The following VBP1 variants were observed in gnomAD, a reference collection of about 807,000 sequenced individuals.
VBP1 encodes prefoldin subunit 3.
VBP1 carries 4 observed loss-of-function variants against 15.5 expected under a neutral mutation model. The observed-to-expected ratio is 0.26, with a 90% CI of 0.13 to 0.59. VBP1 has a LOEUF of 0.59. Ranked by LOEUF, VBP1 falls within the 20% of genes least tolerant of loss-of-function variation. VBP1 has a pLI of 0.90. For missense variants in VBP1, 108 were observed against 139.6 expected, an observed-to-expected ratio of 0.77 and a Z score of 1.14; for synonymous variants, 61 against 52.1, an observed-to-expected ratio of 1.17 and a Z score of -0.74.
At chrX:155,213,689 T>A (rs2074652286), upstream of VBP1, 1 of 112,415 alleles carries the variant, frequency 8.9e-6, no homozygotes, top group African/African-American at 3.2e-5. Context: ...TGTACCAGCT[T>A]GTGAGAACCA....
Position 155,228,379 on chromosome X carries a change from TGAA to T in VBP1, c.286-3_286-1del. On this transcript the variant is annotated splice_acceptor_variant and splice_polypyrimidine_tract_variant and intron_variant, in intron 3 of 5. Transcript: ENST00000286428. LOFTEE classifies it high-confidence loss of function. The stretch of plus-strand genomic sequence containing the variant: ...GGTACTGTCATTTTTTTTTTTGTTT[TGAA>T]GGAGTCCACCAACTCAATGGAGACC... 8.3e-7 allele frequency: 1 copy of T among 1,201,310 alleles called. No homozygotes were observed. The highest frequency in any genetic ancestry group is 2.3e-5 in the Admixed American group (1 of 44,442).
chrX:155,199,654 A>T (rs2074593861), intron 1 of VBP1, among the ~76,000 whole-genome samples: 1 of 112,313 alleles, frequency 8.9e-6, no homozygotes, highest in East Asian at 2.8e-4. Context: ...CTGCAAAAAC[A>T]TGCCAAATTG....
chrX:155,199,407 C>T (rs2074592540), intron 1 of VBP1, among the ~76,000 whole-genome samples: 1 of 111,669 alleles, frequency 9.0e-6, no homozygotes. Context: ...AACAGCGGAT[C>T]TCTCGGCAGA....
rs1557309052 is a variant in VBP1 at position 155,216,616 on chromosome X, T to C, written c.93+41T>C. 6.9e-6 allele frequency: 8 copies of C among 1,164,587 alleles called. No homozygotes were observed. The Admixed American group carries it at 1.8e-4, about 26-fold the overall frequency. ...TTCCCTGGCATCTTGGCTTGAGGCC[T>C]TGGACTGCCCCTTTCTTCCCGGCTC... is the stretch of plus-strand genomic sequence containing the variant. On this transcript the variant is annotated intron_variant, in intron 1 of 5. Coordinates refer to ENST00000286428, the MANE Select transcript of VBP1 (RefSeq NM_003372.7).
intron 2 of VBP1, among the ~76,000 whole-genome samples, chrX:155,222,572 GT>G (rs2074694572): frequency 9.0e-6 from 1 of 111,619 alleles, no homozygotes; most frequent in Non-Finnish European, 1.9e-5. Flanking sequence ...CTTCTAACTA[GT>G]AAATTAATGA....
chrX:155,207,546 C>G (rs1345001060), intron 1 of VBP1, among the ~76,000 whole-genome samples: 1 of 112,052 alleles, frequency 8.9e-6, no homozygotes, highest in Non-Finnish European at 1.9e-5. Flanking sequence ...TTGTTTGATA[C>G]TGCAGAAGTG....
intron 4 of VBP1, among the ~76,000 whole-genome samples, chrX:155,231,843 G>T (rs1453311507): frequency 8.9e-6 from 1 of 112,117 alleles, no homozygotes; most frequent in African/African-American, 3.2e-5. Context: ...AAGTCAAGGG[G>T]TGTTTGGATT....
chrX:155,201,527 A>C (rs1602864836), intron 1 of VBP1, among the ~76,000 whole-genome samples: 2 of 84,909 alleles, frequency 2.4e-5, no homozygotes, highest in African/African-American at 1.2e-4. Flanking sequence ...TTATCTCAAT[A>C]GATGCAGAAA....
intron 1 of VBP1, among the ~76,000 whole-genome samples, chrX:155,202,312 C>T (rs1184665638): frequency 9.0e-6 from 1 of 111,354 alleles, no homozygotes; most frequent in Non-Finnish European, 1.9e-5. Flanking sequence ...CAATCCTAAG[C>T]CAAAAGAACA....
At chrX:155,215,227 A>G (rs1183156947), upstream of VBP1, among the ~76,000 whole-genome samples, 1 of 111,844 alleles carries the variant, frequency 8.9e-6, no homozygotes, top group African/African-American at 3.3e-5. Flanking sequence ...ACTTTTCAAA[A>G]ACAAAATTTT....
At chrX:155,216,263 C>A, upstream of VBP1, 1 of 712,777 alleles carries the variant, frequency 1.4e-6, no homozygotes, top group Non-Finnish European at 2.0e-6. Context: ...TTCTCTTTCG[C>A]GGCCCTTCCA....
chrX:155,214,978 A>G (rs186500012), upstream of VBP1, among the ~76,000 whole-genome samples: 1 of 110,626 alleles, frequency 9.0e-6, no homozygotes. Context: ...CATGAGCGAT[A>G]AGCTGATAAG....
chrX:155,212,261 C>T (rs893906809), upstream of VBP1, among the ~76,000 whole-genome samples: 5 of 111,725 alleles, frequency 4.5e-5, no homozygotes, highest in African/African-American at 1.3e-4. Context: ...CTAAGGAGTC[C>T]GGCCCAAAGG....
At chrX:155,213,232 C>T (rs1167416900), upstream of VBP1, among the ~76,000 whole-genome samples, 1 of 111,833 alleles carries the variant, frequency 8.9e-6, no homozygotes, top group Non-Finnish European at 1.9e-5. Context: ...GAGGCTGTCT[C>T]AGAACATCCT....
intron 2 of VBP1, among the ~76,000 whole-genome samples, chrX:155,222,112 G>A (rs2074692153): frequency 8.9e-6 from 1 of 112,465 alleles, no homozygotes; most frequent in Admixed American, 9.4e-5. Context: ...TTTTGTGATA[G>A]TAAAAGTTTA....
At chrX:155,234,769 C>T (rs1414823625) in intron 4 of VBP1, among the ~76,000 whole-genome samples, 2 of 111,935 alleles carry the variant, frequency 1.8e-5, no homozygotes, top group African/African-American at 6.5e-5. Flanking sequence ...GTTACTCATT[C>T]GTCTGATAAG....
chrX:155,200,470 C>T (rs1222606281), intron 1 of VBP1, among the ~76,000 whole-genome samples: 5 of 111,135 alleles, frequency 4.5e-5, no homozygotes, highest in Non-Finnish European at 9.4e-5. Flanking sequence ...CAAAACCGCT[C>T]GACTACATGG....
At chrX:155,235,101 AGTGTGTGTGTGTGTATGTGTGTGTGTGT>A (rs1390881613) in intron 4 of VBP1, among the ~76,000 whole-genome samples, 1 of 104,193 alleles carries the variant, frequency 9.6e-6, no homozygotes, top group African/African-American at 3.6e-5. Flanking sequence ...CATTTCACCC[AGTGTGTGTGTGTGTATGTGTGTGTGTGT>A]GTGTGTGTGT....
intron 2 of VBP1, among the ~76,000 whole-genome samples, chrX:155,211,418 A>G (rs1310144540): frequency 4.5e-5 from 5 of 112,112 alleles, no homozygotes; most frequent in African/African-American, 1.6e-4. Flanking sequence ...TCAATAAATA[A>G]TGATCAGTTA....
Sources: gnomAD v4.1 joint callset for allele counts (sites outside exome capture counted in the v4.1 genomes callset) on GRCh38, gnomAD v4.1.1 for gene constraint, MANE v1.5 for transcripts, NCBI Gene and HGNC (gene_info 2026-07-23, HGNC 2026-07-21) for gene names.